XRCC5: variants seen among roughly 807,000 people sequenced by gnomAD.
XRCC5 encodes the protein DNA repair protein Ku80.
XRCC5 carries 12 observed loss-of-function variants against 95.7 expected under a neutral mutation model. The observed-to-expected ratio is 0.13, with a 90% CI of 0.08 to 0.20. XRCC5 has a LOEUF of 0.20. XRCC5 is among the 10% of genes least tolerant of loss of function. The pLI is 1.00. For missense variants in XRCC5, 595 were observed against 873.9 expected, an observed-to-expected ratio of 0.68 and a Z score of 4.02; for synonymous variants, 281 against 290.3, an observed-to-expected ratio of 0.97 and a Z score of 0.33.
chr2:216,175,024 C>A (rs1689246721), intron 16 of XRCC5: 1 of 297,532 alleles, frequency 3.4e-6, no homozygotes. Context: ...TTGTTTTTGT[C>A]TGCTAAAATT....
intron 12 of XRCC5, among the ~76,000 whole-genome samples, chr2:216,140,505 G>A (rs1182751164): frequency 1.3e-5 from 2 of 152,188 alleles, no homozygotes; most frequent in African/African-American, 2.4e-5. Flanking sequence ...TTATTGAGGA[G>A]CACTTGTTTT....
chr2:216,112,743 T>A (rs1466071649), intron 1 of XRCC5, among the ~76,000 whole-genome samples: 5 of 152,248 alleles, frequency 3.3e-5, no homozygotes, highest in Admixed American at 3.3e-4. Context: ...ATGGGTTTAT[T>A]CTGGGGCTTA....
rs577495735 is a variant in XRCC5, at chr2:216,190,376, C to T, written c.1944+42C>T. On this transcript the variant is annotated intron_variant, in intron 17 of 20. Coordinates refer to ENST00000392132, the MANE Select transcript of XRCC5 (RefSeq NM_021141.4). ...ATCTCTTTTCTTCCTAAACAGTTGG[C>T]GACTATCACAGGGAAAGAGGCATAC... 324 of 1,555,916 alleles carry T rather than the reference C, an allele frequency of 2.1e-4. 3 individuals are homozygous for T. The South Asian group carries it at 3.3e-3, about 16-fold the overall frequency.
chr2:216,113,319 G>A (rs188004228), intron 2 of XRCC5, among the ~76,000 whole-genome samples, 190 bp downstream of exon 2: 15 of 152,036 alleles, frequency 9.9e-5, no homozygotes, highest in East Asian at 3.9e-4. Context: ...TTCTTCCCTC[G>A]TTTTGGCCCC....
chr2:216,148,203 A>C lies in XRCC5; in HGVS notation c.1597A>C (p.Ile533Leu). 6.2e-7 allele frequency: 1 copy of C among 1,614,116 alleles called. No homozygotes were observed. The highest frequency in any genetic ancestry group is 8.5e-7 in the Non-Finnish European group (1 of 1,180,002). The part of the protein sequence containing the change: ...TTKSQIPLSK[I>L]KTLFPLIEAK... ...AAAAAGTCAGATTCCTCTCTCTAAA[A>C]TAAAGACCCTTTTTCCTCTGATTGA... Residue 533 changes from isoleucine to leucine, a missense_variant, in exon 14 of 21, where the codon ATA (isoleucine) becomes CTA (leucine). Coordinates refer to ENST00000392132, the MANE Select transcript of XRCC5 (RefSeq NM_021141.4).
intron 19 of XRCC5, among the ~76,000 whole-genome samples, chr2:216,203,007 G>A (rs933904866): frequency 1.9e-4 from 29 of 152,288 alleles, no homozygotes; most frequent in African/African-American, 6.7e-4. Context: ...TTATTTATAG[G>A]TCTTAGGTTT....
intron 13 of XRCC5, among the ~76,000 whole-genome samples, chr2:216,145,815 C>G (rs1289731664): frequency 2.0e-4 from 30 of 152,122 alleles, no homozygotes; most frequent in Admixed American, 2.0e-3. Flanking sequence ...GGATACTTGT[C>G]CATTGGTTGT....
chr2:216,204,709 T>C (rs1308537668), intron 20 of XRCC5, among the ~76,000 whole-genome samples: 2 of 152,224 alleles, frequency 1.3e-5, no homozygotes, highest in Non-Finnish European at 2.9e-5. Flanking sequence ...CTGAAATTGC[T>C]GTTAACCAAA....
intron 13 of XRCC5, among the ~76,000 whole-genome samples, chr2:216,144,860 C>T (rs544050787): frequency 2.0e-4 from 30 of 152,216 alleles, no homozygotes; most frequent in African/African-American, 7.0e-4. Flanking sequence ...TAGAGAACTG[C>T]AACACGTGAG....
intron 16 of XRCC5, among the ~76,000 whole-genome samples, chr2:216,188,111 T>C (rs1689541780): frequency 6.6e-6 from 1 of 152,152 alleles, no homozygotes; most frequent in South Asian, 2.1e-4. Context: ...TATGAGGCCA[T>C]TTGCTTTTCT....
intron 14 of XRCC5, among the ~76,000 whole-genome samples, chr2:216,154,636 T>G (rs995906788): frequency 1.3e-5 from 2 of 152,260 alleles, no homozygotes; most frequent in Non-Finnish European, 2.9e-5. Flanking sequence ...AAGTAGTGAT[T>G]CTTAATCATG....
In XRCC5 at chr2:216,137,211, A is replaced by G; in HGVS notation, c.1237A>G (p.Lys413Glu). 1.2e-6 allele frequency: 2 copies of G among 1,613,080 alleles called. No individual in the cohort carries two copies. The highest frequency in any genetic ancestry group is 1.7e-6 in the Non-Finnish European group (2 of 1,179,466). Residue 413 changes from lysine to glutamate, a missense_variant, in exon 11 of 21, where the codon AAG becomes GAG. Around this residue, in one of 2 missense-constraint regions of XRCC5, gnomAD observed 309 missense variants for 382.9 expected, o/e 0.81. Transcript: ENST00000392132. ...AGTCGGCGTGGCTTTTCCTCATATC[A>G]AGCATAACTATGAGGTAAAACCCAA... ...PQVGVAFPHI[K>E]HNYECLVYVQ...
chr2:216,194,809 TA>T, intron 18 of XRCC5, 109 bp from the exon 19 acceptor site: 39 of 1,043,620 alleles, frequency 3.7e-5, no homozygotes, highest in Non-Finnish European at 5.1e-5. Flanking sequence ...TGTCTCTATT[TA>T]AAAAAAAGAA....
At chr2:216,145,656 G>C (rs1195600492) in intron 13 of XRCC5, among the ~76,000 whole-genome samples, 1 of 152,140 alleles carries the variant, frequency 6.6e-6, no homozygotes, top group Admixed American at 6.5e-5. Flanking sequence ...CCTAAAATGT[G>C]ACCTTTCAGA....
chr2:216,154,848 T>A (rs1403805847), intron 14 of XRCC5, among the ~76,000 whole-genome samples: 1 of 152,062 alleles, frequency 6.6e-6, no homozygotes, highest in African/African-American at 2.4e-5. Context: ...AAGGTCAAAC[T>A]CTTTTACACA....
At chr2:216,204,499 T>G in intron 20 of XRCC5, 103 bp downstream of exon 20, 1 of 1,313,402 alleles carries the variant, frequency 7.6e-7, no homozygotes, top group Non-Finnish European at 1.1e-6. Flanking sequence ...CTTATTTGTG[T>G]TTTAATTTCC....
At chr2:216,109,561 C>T in intron 1 of XRCC5, 104 bp downstream of exon 1, 8 of 1,513,946 alleles carry the variant, frequency 5.3e-6, no homozygotes, top group Non-Finnish European at 7.2e-6. Context: ...AAGAATGGGG[C>T]AAGAGAAGAT....
At chr2:216,183,631 C>G (rs1358272012) in intron 16 of XRCC5, among the ~76,000 whole-genome samples, 1 of 152,152 alleles carries the variant, frequency 6.6e-6, no homozygotes, top group Admixed American at 6.5e-5. Context: ...GTGGTGTTCT[C>G]TCTGTCGTAT....
intron 16 of XRCC5, among the ~76,000 whole-genome samples, chr2:216,165,593 C>A (rs1689041052): frequency 6.6e-6 from 1 of 152,148 alleles, no homozygotes; most frequent in African/African-American, 2.4e-5. Flanking sequence ...CTTTATAAGC[C>A]AAGACTCACT....
Sources: gnomAD v4.1 joint callset for allele counts (sites outside exome capture counted in the v4.1 genomes callset) on GRCh38, gnomAD v4.1.1 for gene constraint, gnomAD v4.1.1 regional missense constraint, MANE v1.5 for transcripts, NCBI Gene and HGNC (gene_info 2026-07-23, HGNC 2026-07-21) for gene names.